The following CEP112 variants were observed in gnomAD, a reference collection of about 807,000 sequenced individuals.
CEP112 encodes the protein centrosomal protein 112.
In CEP112, 127 loss-of-function variants were observed where a neutral mutation model predicts 153.0. That is an observed-to-expected ratio of 0.83 (90% CI 0.72 to 0.96). CEP112 has a LOEUF of 0.96. Ranked by LOEUF, CEP112 falls within the 40% of genes least tolerant of loss-of-function variation. The pLI is 0.00. For missense variants in CEP112, 1,089 were observed against 1,101.2 expected (o/e 0.99, Z 0.16); for synonymous variants, 358 against 374.4 (o/e 0.96, Z 0.51).
chr17:65,774,923 G>T (rs2053589133), intron 21 of CEP112, among the ~76,000 whole-genome samples: 1 of 152,120 alleles, frequency 6.6e-6, no homozygotes, highest in African/African-American at 2.4e-5. Context: ...TCAGATCCTG[G>T]TTTGCTGCTC....
intron 4 of CEP112, among the ~76,000 whole-genome samples, chr17:66,153,364 G>A (rs962427291): frequency 6.8e-6 from 1 of 147,772 alleles, no homozygotes; most frequent in Non-Finnish European, 1.5e-5. Flanking sequence ...ACGAAGGAAT[G>A]AACTACTGAT....
chr17:66,155,774 G>T (rs369159244), intron 4 of CEP112, among the ~76,000 whole-genome samples: 1 of 152,146 alleles, frequency 6.6e-6, no homozygotes, highest in Non-Finnish European at 1.5e-5. Flanking sequence ...GGGCAAGTTC[G>T]AACTGGGCAA....
intron 21 of CEP112, among the ~76,000 whole-genome samples, chr17:65,794,052 C>G (rs1490269889): frequency 6.6e-6 from 1 of 152,150 alleles, no homozygotes; most frequent in Non-Finnish European, 1.5e-5. Flanking sequence ...TTATGGAATG[C>G]CTGCTATATT....
At chr17:65,927,515 A>AT in intron 19 of CEP112, 67 bp downstream of exon 19, 1 of 851,870 alleles carries the variant, frequency 1.2e-6, no homozygotes, top group Non-Finnish European at 1.9e-6. Context: ...TGTGATAGTG[A>AT]TTTTTAAAAG....
In CEP112 at chr17:66,085,543, T is replaced by A. The variant is rs373075950; in HGVS notation, c.768+10708A>T. 2.8e-4 allele frequency among the ~76,000 whole-genome samples: 43 copies of A among 152,300 alleles called. 1 individual carries two copies. The highest frequency in any genetic ancestry group is 9.6e-4 in the African/African-American group (40 of 41,566). On this transcript the variant is annotated intron_variant, in intron 8 of 26. Coordinates refer to ENST00000535342, the MANE Select transcript of CEP112 (RefSeq NM_001199165.4). ...TACCATTTGTTATAGAAAAATACTC[T>A]AAACAGCCTACATGCATCAATAGCA... is the stretch of plus-strand genomic sequence containing the variant.
At chr17:65,948,900 C>T (rs111869066) in intron 18 of CEP112, among the ~76,000 whole-genome samples, 9 of 152,270 alleles carry the variant, frequency 5.9e-5, no homozygotes, top group South Asian at 2.1e-4. Context: ...CTGCAATCTG[C>T]AGCAGTTTCC....
chr17:65,797,488 T>C (rs2055006810), intron 21 of CEP112, among the ~76,000 whole-genome samples: 1 of 152,232 alleles, frequency 6.6e-6, no homozygotes. Flanking sequence ...CTGTCATACC[T>C]ACCTCACTAG....
intron 17 of CEP112, among the ~76,000 whole-genome samples, chr17:65,976,321 A>G (rs1347488606): frequency 6.6e-6 from 1 of 152,206 alleles, no homozygotes; most frequent in East Asian, 1.9e-4. Context: ...TGTGTTCTAA[A>G]TTTGAGAGGG....
chr17:65,908,878 T>C (rs1175052406), intron 19 of CEP112, among the ~76,000 whole-genome samples: 1 of 152,156 alleles, frequency 6.6e-6, no homozygotes, highest in Admixed American at 6.5e-5. Context: ...TGAACTTTCA[T>C]GTAAGTGCCT....
chr17:65,833,437 T>C (rs2057171221), intron 21 of CEP112, among the ~76,000 whole-genome samples: 1 of 152,152 alleles, frequency 6.6e-6, no homozygotes, highest in South Asian at 2.1e-4. Flanking sequence ...CAGACATGAT[T>C]CTATATCTAG....
chr17:65,879,107 T>C (rs1416507173), intron 20 of CEP112, among the ~76,000 whole-genome samples: 2 of 152,228 alleles, frequency 1.3e-5, no homozygotes, highest in Non-Finnish European at 2.9e-5. Flanking sequence ...TGTTACCTTA[T>C]ATGTGAAAAG....
intron 21 of CEP112, among the ~76,000 whole-genome samples, chr17:65,833,307 A>T (rs1211732087): frequency 6.6e-6 from 1 of 152,050 alleles, no homozygotes; most frequent in Non-Finnish European, 1.5e-5. Context: ...CAAGACAAGA[A>T]TTCCCTCTCA....
At position 66,023,705 on chromosome 17, in the gene CEP112, C is replaced by G. The variant is rs141842340; in HGVS notation, c.1656+3796G>C. 2.6e-3 allele frequency among the ~76,000 whole-genome samples: 394 copies of G among 152,014 alleles called. 1 individual carries two copies. Among genetic ancestry groups the G allele is most frequent in the African/African-American group, 8.9e-3 (368 of 41,500 alleles). On this transcript the variant is annotated intron_variant, in intron 16 of 26. Transcript: ENST00000535342. ...TAAATAGCAACATGACAAAACTCCA[C>G]CAACCCACAAAGAGAAAAAAGAAAC...
At chr17:66,100,256 T>A (rs11079642) in intron 6 of CEP112, among the ~76,000 whole-genome samples, 2 of 151,698 alleles carry the variant, frequency 1.3e-5, no homozygotes, top group African/African-American at 4.8e-5. Flanking sequence ...AAAAATTAGA[T>A]GGGCGTGGTG....
chr17:66,128,541 A>C (rs978780340), intron 6 of CEP112, among the ~76,000 whole-genome samples: 1 of 152,146 alleles, frequency 6.6e-6, no homozygotes, highest in Non-Finnish European at 1.5e-5. Context: ...CAACTGATAT[A>C]CTGCTGGTTG....
intron 11 of CEP112, among the ~76,000 whole-genome samples, chr17:66,060,364 C>A (rs776782916): frequency 1.3e-5 from 2 of 152,136 alleles, no homozygotes; most frequent in Non-Finnish European, 2.9e-5. Flanking sequence ...TAATCCCTAT[C>A]AAAATATCAA....
Position 66,070,004 on chromosome 17 carries a change from T to C in CEP112, c.769-3A>G. On this transcript the variant is annotated splice_polypyrimidine_tract_variant and splice_region_variant and intron_variant, in intron 8 of 26. Transcript: ENST00000535342. ...ATCATTTTTGTTTTCATGTCCAGCT[T>C]CAAGAAAAATATTTCAAGGGTGTTA... is the stretch of plus-strand genomic sequence containing the variant. 1 of 1,573,482 alleles carries C rather than the reference T, an allele frequency of 6.4e-7. No individual in the cohort carries two copies. Among genetic ancestry groups the C allele is most frequent in the Non-Finnish European group, 8.7e-7 (1 of 1,147,194 alleles).
At chr17:65,691,139 T>G (rs1485267510) in intron 23 of CEP112, among the ~76,000 whole-genome samples, 4 of 151,998 alleles carry the variant, frequency 2.6e-5, no homozygotes, top group Non-Finnish European at 5.9e-5. Context: ...AGACTGCAGT[T>G]GGCATTCACA....
intron 23 of CEP112, among the ~76,000 whole-genome samples, chr17:65,690,446 A>AAAT (rs1555617645): frequency 1.1e-4 from 17 of 151,120 alleles, no homozygotes; most frequent in African/African-American, 3.9e-4. Flanking sequence ...AAAAAAAAAA[A>AAAT]AATCCTTGCA....
Sources: allele counts gnomAD v4.1 joint callset (sites outside exome capture counted in the v4.1 genomes callset), GRCh38; gene constraint gnomAD v4.1.1; transcripts MANE v1.5; gene names NCBI Gene and HGNC (gene_info 2026-07-23, HGNC 2026-07-21).